The following ADAMTSL1 variants were observed in gnomAD, a reference collection of about 807,000 sequenced individuals.
ADAMTSL1 encodes the protein ADAMTS like 1.
In ADAMTSL1, 126 loss-of-function variants were observed where a neutral mutation model predicts 201.8. The ratio of observed to expected loss-of-function variants is 0.62; its 90% CI spans 0.54 to 0.72. ADAMTSL1 has a LOEUF of 0.72. ADAMTSL1 is among the 30% of genes least tolerant of loss of function. The probability of loss-of-function intolerance (pLI) is 0.00; values close to 1 mark genes in which losing one functional copy is unlikely to be tolerated. For missense variants in ADAMTSL1, 2,679 were observed against 2,277.8 expected, an observed-to-expected ratio of 1.18 and a Z score of -3.59; for synonymous variants, 1,121 against 903.4, an observed-to-expected ratio of 1.24 and a Z score of -4.32.
At chr9:18,734,516 G>A (rs1048949443) in intron 15 of ADAMTSL1, among the ~76,000 whole-genome samples, 5 of 152,106 alleles carry the variant, frequency 3.3e-5, no homozygotes, top group African/African-American at 1.2e-4. Flanking sequence ...TGTGTCATAG[G>A]TTCTGGAGAA....
intron 2 of ADAMTSL1, among the ~76,000 whole-genome samples, chr9:18,186,644 C>G (rs1009240241): frequency 1.3e-5 from 2 of 152,088 alleles, no homozygotes; most frequent in Middle Eastern, 3.2e-3. Context: ...TAAAAGTTGT[C>G]TAACATGTTT....
chr9:18,194,688 C>T (rs1462527500), intron 2 of ADAMTSL1, among the ~76,000 whole-genome samples: 1 of 152,062 alleles, frequency 6.6e-6, no homozygotes, highest in African/African-American at 2.4e-5. Context: ...TAGGACTGTA[C>T]AAATTGATAT....
At chr9:18,504,609 T>C (rs1472798424) in intron 1 of ADAMTSL1, among the ~76,000 whole-genome samples, 1 of 152,228 alleles carries the variant, frequency 6.6e-6, no homozygotes, top group Non-Finnish European at 1.5e-5. Flanking sequence ...TACAACTTCG[T>C]GCCCACTTCA....
chr9:18,448,504 C>T (rs1476105589), intron 2 of ADAMTSL1, among the ~76,000 whole-genome samples: 2 of 152,122 alleles, frequency 1.3e-5, no homozygotes, highest in Admixed American at 6.6e-5. Context: ...TAGAAAATAT[C>T]GACCACAGGC....
intron 2 of ADAMTSL1, among the ~76,000 whole-genome samples, chr9:18,347,422 GA>G (rs1835775921): frequency 1.3e-5 from 2 of 151,950 alleles, no homozygotes; most frequent in Non-Finnish European, 2.9e-5. Context: ...GAACTGAAGT[GA>G]AGAAGAATTC....
At chr9:18,260,589 C>T (rs10963539) in intron 2 of ADAMTSL1, among the ~76,000 whole-genome samples, 1 of 152,236 alleles carries the variant, frequency 6.6e-6, no homozygotes, top group Admixed American at 6.5e-5. Context: ...GAAAATCCAG[C>T]TGGTGAGGCT....
At chr9:18,541,877 G>A (rs1820171698) in intron 3 of ADAMTSL1, among the ~76,000 whole-genome samples, 1 of 152,200 alleles carries the variant, frequency 6.6e-6, no homozygotes, top group Admixed American at 6.5e-5. Flanking sequence ...AAAAGATTAA[G>A]GTGGATCTAT....
Position 17,983,562 on chromosome 9 carries a change from T to A in ADAMTSL1, c.87+76640T>A, listed in dbSNP as rs192579658. ...CTCTATGTGGTTAGTTTTCTAAAGT[T>A]TTGTTAATGTGTTAAGAGAATTTGA... On this transcript the variant is annotated intron_variant, in intron 1 of 29. Coordinates refer to the ADAMTSL1 transcript ENST00000680146. Among the ~76,000 whole-genome samples the A allele has an allele frequency of 7.7e-3, 1,168 of 152,326 alleles. 9 individuals are homozygous for A. The highest frequency in any genetic ancestry group is 0.012 in the Non-Finnish European group (820 of 68,030).
chr9:17,936,590 G>T (rs1243129900), intron 1 of ADAMTSL1, among the ~76,000 whole-genome samples: 2 of 152,164 alleles, frequency 1.3e-5, no homozygotes, highest in Non-Finnish European at 2.9e-5. Flanking sequence ...TGCCGCTCAG[G>T]CCATAAATAC....
chr9:18,545,654 TA>T (rs1327692007), intron 3 of ADAMTSL1, among the ~76,000 whole-genome samples: 1 of 152,160 alleles, frequency 6.6e-6, no homozygotes, highest in African/African-American at 2.4e-5. Context: ...CAAGAGGATA[TA>T]AATTTATTAA....
intron 3 of ADAMTSL1, among the ~76,000 whole-genome samples, chr9:18,565,787 A>G (rs975806239): frequency 3.3e-5 from 5 of 152,188 alleles, no homozygotes; most frequent in Non-Finnish European, 7.3e-5. Context: ...ATGTCTGTTT[A>G]ATTTCATTTT....
intron 26 of ADAMTSL1, among the ~76,000 whole-genome samples, chr9:18,897,532 C>T (rs1829721830): frequency 6.6e-6 from 1 of 152,248 alleles, no homozygotes; most frequent in African/African-American, 2.4e-5. Flanking sequence ...GCCATCTTTG[C>T]TGTTTTGCAG....
chr9:18,751,861 C>T lies in ADAMTSL1; in HGVS notation c.2007-1437C>T, dbSNP rs1249205029. ...CAACTTGCACTTTGGGAGGCCGAGG[C>T]GGGCGGATCACGAGGTCGGGAGATC... On this transcript the variant is annotated intron_variant, in intron 15 of 28. Coordinates refer to ENST00000380548, the MANE Select transcript of ADAMTSL1 (RefSeq NM_001040272.6). 1.7e-3 allele frequency among the ~76,000 whole-genome samples: 5 copies of T among 2,966 alleles called. 2 individuals carry two copies. Among genetic ancestry groups the T allele is most frequent in the Non-Finnish European group, 4.5e-3 (5 of 1,110 alleles). 1.9% of individuals were successfully genotyped at this position (2,966 alleles called of 152,430 possible).
chr9:18,614,747 C>A (rs554010086), intron 4 of ADAMTSL1, among the ~76,000 whole-genome samples: 1 of 152,108 alleles, frequency 6.6e-6, no homozygotes, highest in Non-Finnish European at 1.5e-5. Flanking sequence ...TAACAGCCAG[C>A]GTAATGCCTT....
At chr9:18,074,285 G>A (rs893648488) in intron 1 of ADAMTSL1, among the ~76,000 whole-genome samples, 2 of 152,140 alleles carry the variant, frequency 1.3e-5, no homozygotes, top group South Asian at 2.1e-4. Context: ...ATGCAATGCA[G>A]GAAGCACCAT....
chr9:18,424,704 T>C (rs965039274), intron 2 of ADAMTSL1, among the ~76,000 whole-genome samples: 2 of 152,208 alleles, frequency 1.3e-5, no homozygotes, highest in African/African-American at 2.4e-5. Context: ...TTGCATTGTC[T>C]TTCTGGTAGT....
At chr9:18,282,992 C>G (rs1044817401) in intron 2 of ADAMTSL1, among the ~76,000 whole-genome samples, 6 of 152,198 alleles carry the variant, frequency 3.9e-5, no homozygotes, top group Admixed American at 3.9e-4. Flanking sequence ...TTTAAATCTT[C>G]TGTACCTTTT....
At chr9:18,526,129 T>C (rs1208747128) in intron 2 of ADAMTSL1, among the ~76,000 whole-genome samples, 1 of 152,222 alleles carries the variant, frequency 6.6e-6, no homozygotes, top group Non-Finnish European at 1.5e-5. Flanking sequence ...GGTGCTCCTG[T>C]GTTGGCTGCA....
At chr9:18,756,076 AATATAT>A (rs55717414) in intron 16 of ADAMTSL1, among the ~76,000 whole-genome samples, 1,432 of 80,514 alleles carry the variant, frequency 0.018, 44 homozygotes, top group Non-Finnish European at 0.023. Flanking sequence ...CTCTACTGAA[AATATAT>A]ATATATATAT....
Sources: allele counts gnomAD v4.1 joint callset (sites outside exome capture counted in the v4.1 genomes callset), GRCh38; gene constraint gnomAD v4.1.1; transcripts MANE v1.5; gene names NCBI Gene and HGNC (gene_info 2026-07-23, HGNC 2026-07-21).